NEDD4: variants seen among roughly 807,000 people sequenced by gnomAD.
NEDD4 encodes the protein NEDD4 E3 ubiquitin protein ligase.
NEDD4 carries 99 observed loss-of-function variants against 144.9 expected under a neutral mutation model. The ratio of observed to expected loss-of-function variants is 0.68; its 90% CI spans 0.58 to 0.81. NEDD4 has a LOEUF of 0.81. NEDD4 is among the 30% of genes least tolerant of loss of function. The pLI is 0.00. For missense variants in NEDD4, 985 were observed against 1,065.9 expected (o/e 0.92, Z 1.06); for synonymous variants, 318 against 350.6 (o/e 0.91, Z 1.04).
At chr15:55,920,866 C>T (rs2036555543) in intron 5 of NEDD4, among the ~76,000 whole-genome samples, 1 of 147,616 alleles carries the variant, frequency 6.8e-6, no homozygotes, top group Non-Finnish European at 1.5e-5. Context: ...CTAAGACTAG[C>T]AACAAATCAA....
chr15:55,899,686 A>G (rs1173240351), intron 5 of NEDD4, among the ~76,000 whole-genome samples: 1 of 152,172 alleles, frequency 6.6e-6, no homozygotes, highest in East Asian at 1.9e-4. Flanking sequence ...AGGGGTATCA[A>G]TGTCTTGCAG....
chr15:55,854,106 G>A (rs543483229), intron 12 of NEDD4, among the ~76,000 whole-genome samples: 4 of 152,046 alleles, frequency 2.6e-5, no homozygotes, highest in Non-Finnish European at 4.4e-5. Flanking sequence ...AGCCGAGATC[G>A]CCTGGGCACT....
At chr15:55,981,082 A>G (rs1377539446) in intron 1 of NEDD4, among the ~76,000 whole-genome samples, 1 of 146,924 alleles carries the variant, frequency 6.8e-6, no homozygotes, top group Non-Finnish European at 1.5e-5. Context: ...TCTGTCGCCC[A>G]GGCTGGAGTG....
intron 4 of NEDD4, among the ~76,000 whole-genome samples, chr15:55,935,113 C>A (rs147840893): frequency 1.3e-5 from 2 of 151,984 alleles, no homozygotes; most frequent in Non-Finnish European, 2.9e-5. Flanking sequence ...GGTGATCCAC[C>A]CTCCTCGGCC....
At chr15:55,877,214 C>T (rs1393373204) in intron 5 of NEDD4, among the ~76,000 whole-genome samples, 3 of 152,168 alleles carry the variant, frequency 2.0e-5, no homozygotes, top group Non-Finnish European at 4.4e-5. Flanking sequence ...GGGTCCAATT[C>T]AGACTCATAT....
chr15:55,920,631 T>C (rs1453265969), intron 5 of NEDD4, among the ~76,000 whole-genome samples: 1 of 152,236 alleles, frequency 6.6e-6, no homozygotes, highest in African/African-American at 2.4e-5. Context: ...ACTAAAGTTG[T>C]TTCTGCTTAA....
intron 5 of NEDD4, chr15:55,915,528 A>C (rs749409580): frequency 1.9e-6 from 3 of 1,613,826 alleles, no homozygotes; most frequent in African/African-American, 1.3e-5. Flanking sequence ...TTCTCCATTG[A>C]TATTTATTTG....
At chr15:55,840,396 A>C in intron 21 of NEDD4, 51 bp downstream of exon 21, 1 of 1,490,624 alleles carries the variant, frequency 6.7e-7, no homozygotes, top group Non-Finnish European at 9.1e-7. Context: ...AAAATGTTCA[A>C]GCTGCTTGTT....
intron 14 of NEDD4, 66 bp downstream of exon 14, chr15:55,850,476 T>C: frequency 6.8e-7 from 1 of 1,467,294 alleles, no homozygotes; most frequent in South Asian, 1.2e-5. Flanking sequence ...TTAAAGATTT[T>C]AAGGAACTAT....
intron 5 of NEDD4, among the ~76,000 whole-genome samples, chr15:55,909,748 C>T (rs963928606): frequency 1.1e-4 from 17 of 152,188 alleles, no homozygotes; most frequent in Admixed American, 1.0e-3. Context: ...ACAGCTAGCA[C>T]ATGGTAGGCT....
At chr15:55,900,112 A>G (rs1014189341) in intron 5 of NEDD4, among the ~76,000 whole-genome samples, 1 of 151,838 alleles carries the variant, frequency 6.6e-6, no homozygotes, top group East Asian at 1.9e-4. Context: ...ACCTAAGAAA[A>G]GGTTGAGATA....
intron 5 of NEDD4, among the ~76,000 whole-genome samples, chr15:55,909,004 T>C (rs2036186962): frequency 6.6e-6 from 1 of 152,222 alleles, no homozygotes. Context: ...TTTAAAGACA[T>C]TGTCTACTAT....
chr15:55,845,495 G>A (rs1319759712), intron 18 of NEDD4, among the ~76,000 whole-genome samples: 2 of 151,986 alleles, frequency 1.3e-5, no homozygotes, highest in Non-Finnish European at 2.9e-5. Context: ...TATGCAATGA[G>A]AGATCAACAA....
At chr15:55,940,702 G>A (rs558973560) in intron 4 of NEDD4, among the ~76,000 whole-genome samples, 34 of 150,298 alleles carry the variant, frequency 2.3e-4, no homozygotes, top group East Asian at 5.9e-4. Flanking sequence ...GAAGAGGGTC[G>A]TTTTTTTTTG....
At chr15:55,879,925 A>C (rs2035123989) in intron 5 of NEDD4, among the ~76,000 whole-genome samples, 1 of 152,190 alleles carries the variant, frequency 6.6e-6, no homozygotes, top group Non-Finnish European at 1.5e-5. Flanking sequence ...GAAAGAAAAG[A>C]GGAAAGGGAG....
rs181398891 is a variant in NEDD4 at position 55,929,572 on chromosome 15, G to C, written c.238-4873C>G. 2.0e-5 allele frequency among the ~76,000 whole-genome samples: 3 copies of C among 152,224 alleles called. No individual in the cohort carries two copies. The East Asian group carries it at 5.8e-4, about 29-fold the overall frequency. ...TCACGTTTAACTTCCACTTATAAGT[G>C]AGAACATGTGGTGGTTGGTTTTCTG... is the stretch of plus-strand genomic sequence containing the variant. On this transcript the variant is annotated intron_variant, in intron 4 of 28. Coordinates refer to ENST00000435532, the MANE Select transcript of NEDD4 (RefSeq NM_006154.4).
At chr15:55,903,806 C>CA (rs1453929961) in intron 5 of NEDD4, among the ~76,000 whole-genome samples, 2 of 126,458 alleles carry the variant, frequency 1.6e-5, no homozygotes. Flanking sequence ...GCCTGGGTGA[C>CA]AGAGTGAGAC....
At chr15:55,885,398 A>G (rs1160250904) in intron 5 of NEDD4, among the ~76,000 whole-genome samples, 1 of 152,230 alleles carries the variant, frequency 6.6e-6, no homozygotes. Flanking sequence ...ACAGAAAAGC[A>G]CAGAATATGA....
intron 1 of NEDD4, among the ~76,000 whole-genome samples, chr15:55,990,013 G>GGTTGTGTACCCCTT (rs1434966104): frequency 6.6e-6 from 1 of 152,032 alleles, no homozygotes; most frequent in East Asian, 1.9e-4. Context: ...AAGCGATCTA[G>GGTTGTGTACCCCTT]GTTGTGTACC....
Sources: gnomAD v4.1 joint callset for allele counts (sites outside exome capture counted in the v4.1 genomes callset) on GRCh38, gnomAD v4.1.1 for gene constraint, MANE v1.5 for transcripts, NCBI Gene and HGNC (gene_info 2026-07-23, HGNC 2026-07-21) for gene names.